Variants in ZFAT observed in about 807,000 individuals in gnomAD.
The protein encoded by ZFAT is zinc finger protein ZFAT.
A neutral mutation model predicts 117.7 loss-of-function variants in ZFAT; 64 were observed. That is an observed-to-expected ratio of 0.54 (90% CI 0.44 to 0.67). The LOEUF (loss-of-function observed/expected upper bound fraction) is 0.67. Among genes scored for constraint, ZFAT ranks in the 30% least tolerant of loss-of-function variants. The probability of loss-of-function intolerance (pLI) is 0.00; values close to 1 mark genes in which losing one functional copy is unlikely to be tolerated. For missense variants in ZFAT, 1,433 were observed against 1,584.5 expected (o/e 0.90, Z 1.62); for synonymous variants, 679 against 615.0 (o/e 1.10, Z -1.54).
At chr8:134,594,063 T>C (rs1826733586) in intron 7 of ZFAT, among the ~76,000 whole-genome samples, 1 of 152,252 alleles carries the variant, frequency 6.6e-6, no homozygotes, top group South Asian at 2.1e-4. Context: ...TCAAGGGTTT[T>C]CCTTTCCACT....
chr8:134,528,409 TTTAAAA>T (rs1277554472), intron 12 of ZFAT, among the ~76,000 whole-genome samples: 1 of 152,152 alleles, frequency 6.6e-6, no homozygotes, highest in African/African-American at 2.4e-5. Flanking sequence ...TAAAAACAAT[TTTAAAA>T]TTAAGATGTC....
the ZFAT span, among the ~76,000 whole-genome samples, chr8:134,829,869 T>C: frequency 1.1e-4 from 16 of 152,272 alleles, no homozygotes; most frequent in Non-Finnish European, 1.5e-4. Context: ...ACTAGAAAAA[T>C]TGAAAAATAA....
intron 12 of ZFAT, among the ~76,000 whole-genome samples, chr8:134,530,249 A>G (rs1322719484): frequency 6.6e-6 from 1 of 152,236 alleles, no homozygotes; most frequent in Non-Finnish European, 1.5e-5. Flanking sequence ...TCAAAACATG[A>G]AATTATAAAG....
chr8:134,601,347 T>A (rs980393941), intron 6 of ZFAT, 130 bp downstream of exon 6: 1 of 1,361,158 alleles, frequency 7.3e-7, no homozygotes, highest in Non-Finnish European at 9.9e-7. Context: ...ACCGTTCCTA[T>A]CTACAATGGA....
At chr8:134,825,430 C>T in the ZFAT span, among the ~76,000 whole-genome samples, 4 of 152,174 alleles carry the variant, frequency 2.6e-5, no homozygotes, top group Non-Finnish European at 5.9e-5. Flanking sequence ...GAATCATCTG[C>T]TTTATAATTA....
the ZFAT span, among the ~76,000 whole-genome samples, chr8:134,735,388 T>G: frequency 6.6e-6 from 1 of 152,200 alleles, no homozygotes; most frequent in Non-Finnish European, 1.5e-5. Context: ...AGGCTAGCAC[T>G]GGGATTGGAG....
At chr8:134,779,999 C>T in the ZFAT span, among the ~76,000 whole-genome samples, 3 of 152,184 alleles carry the variant, frequency 2.0e-5, no homozygotes, top group South Asian at 6.2e-4. Context: ...CAACCCCCAT[C>T]TCCCTCCCTC....
intron 3 of ZFAT, among the ~76,000 whole-genome samples, chr8:134,624,717 C>T (rs1462468247): frequency 3.3e-5 from 5 of 152,088 alleles, no homozygotes; most frequent in African/African-American, 1.2e-4. Context: ...GCAGGATTTG[C>T]GTCCGAATTT....
chr8:134,647,591 G>A (rs1319034453), intron 2 of ZFAT, among the ~76,000 whole-genome samples: 1 of 152,140 alleles, frequency 6.6e-6, no homozygotes, highest in Non-Finnish European at 1.5e-5. Context: ...AACTGTCTCT[G>A]TTTGTAGATG....
intron 15 of ZFAT, among the ~76,000 whole-genome samples, chr8:134,479,563 A>G (rs1817142478): frequency 6.6e-6 from 1 of 152,214 alleles, no homozygotes; most frequent in African/African-American, 2.4e-5. Context: ...GAGACCTTAG[A>G]GCTGCAAAAA....
the ZFAT span, among the ~76,000 whole-genome samples, chr8:134,807,340 T>C: frequency 1.3e-5 from 2 of 152,326 alleles, no homozygotes; most frequent in East Asian, 1.9e-4. Context: ...AAGAGTATTG[T>C]TGTAAGAGAG....
In ZFAT at chr8:134,695,763, C is replaced by T. The variant is rs376805288; in HGVS notation, c.19+17082G>A. Among the ~76,000 whole-genome samples, 107 of 144,830 alleles carry T rather than the reference C, an allele frequency of 7.4e-4. 1 individual carries two copies. The highest frequency in any genetic ancestry group is 3.8e-3 in the Middle Eastern group (1 of 260). ...CGCATCTCTAACCAAGGTGGCACCA[C>T]CCCCTAGGCCTCGGCCATCTCTAAC... On this transcript the variant is annotated intron_variant, in intron 1 of 15. Transcript: ENST00000377838.
At chr8:134,691,464 A>T (rs1833584825) in intron 1 of ZFAT, among the ~76,000 whole-genome samples, 1 of 152,232 alleles carries the variant, frequency 6.6e-6, no homozygotes, top group African/African-American at 2.4e-5. Context: ...AGGGGGCGAT[A>T]AAAGACAAAC....
chr8:134,512,695 T>C (rs3739427), intron 13 of ZFAT, 94 bp from the exon 14 acceptor site: 909,024 of 1,449,346 alleles, frequency 0.63, 292,577 homozygotes, highest in African/African-American at 0.91. Context: ...CAAACGCATA[T>C]AAGAAAGCAA....
chr8:134,695,120 G>C (rs915509653), intron 1 of ZFAT, among the ~76,000 whole-genome samples: 1 of 152,152 alleles, frequency 6.6e-6, no homozygotes, highest in African/African-American at 2.4e-5. Context: ...GGCCAGAGGA[G>C]GACGAACTAA....
chr8:134,667,077 T>C (rs1832262898), intron 1 of ZFAT, among the ~76,000 whole-genome samples: 1 of 152,066 alleles, frequency 6.6e-6, no homozygotes, highest in South Asian at 2.1e-4. Flanking sequence ...AAGTGGGAGT[T>C]GAACAATGAG....
chr8:134,653,696 A>C (rs1235833933), intron 2 of ZFAT, among the ~76,000 whole-genome samples: 1 of 152,186 alleles, frequency 6.6e-6, no homozygotes, highest in Non-Finnish European at 1.5e-5. Context: ...TATACACCGT[A>C]AATACATACA....
chr8:134,581,183 T>C (rs921332535), intron 10 of ZFAT, among the ~76,000 whole-genome samples: 2 of 152,048 alleles, frequency 1.3e-5, no homozygotes, highest in Admixed American at 6.6e-5. Flanking sequence ...TATAGCTTAA[T>C]TAAAGCTACA....
At chr8:134,784,891 T>C in the ZFAT span, 4 of 152,186 alleles carry the variant, frequency 2.6e-5, no homozygotes, top group South Asian at 8.3e-4. Flanking sequence ...CACATCAATG[T>C]GATTTCCAGT....
Sources: gnomAD v4.1 joint callset for allele counts (sites outside exome capture counted in the v4.1 genomes callset) on GRCh38, gnomAD v4.1.1 for gene constraint, MANE v1.5 for transcripts, NCBI Gene and HGNC (gene_info 2026-07-23, HGNC 2026-07-21) for gene names.